The following ABLIM1 variants were observed in gnomAD, a reference collection of about 807,000 sequenced individuals.
ABLIM1 encodes the protein actin-binding LIM protein 1.
In ABLIM1, 40 loss-of-function variants were observed where a neutral mutation model predicts 107.0. The ratio of observed to expected loss-of-function variants is 0.37; its 90% CI spans 0.29 to 0.49. ABLIM1 has a LOEUF of 0.49. Among genes scored for constraint, ABLIM1 ranks in the 20% least tolerant of loss-of-function variants. The pLI, the probability that ABLIM1 is intolerant of heterozygous loss-of-function variation, is 0.97. For missense variants in ABLIM1, 857 were observed against 1,008.5 expected (o/e 0.85, Z 2.04); for synonymous variants, 357 against 357.3 (o/e 1.00, Z 0.01).
intron 6 of ABLIM1, among the ~76,000 whole-genome samples, chr10:114,498,298 A>G (rs915883168): frequency 2.0e-5 from 3 of 152,246 alleles, no homozygotes; most frequent in African/African-American, 7.2e-5. Flanking sequence ...CTCACATAGT[A>G]GTGCTAACAG....
the ABLIM1 span, among the ~76,000 whole-genome samples, chr10:114,783,157 C>T: frequency 6.6e-6 from 1 of 151,976 alleles, no homozygotes; most frequent in Non-Finnish European, 1.5e-5. Context: ...TGGTGGGTGC[C>T]TGTAATCCCA....
intron 8 of ABLIM1, among the ~76,000 whole-genome samples, chr10:114,474,384 CT>C (rs71007472): frequency 1.2e-3 from 157 of 135,862 alleles, no homozygotes; most frequent in Admixed American, 1.9e-3. Context: ...ATAGAGAGAC[CT>C]TTTTTTTTTT....
intron 2 of ABLIM1, among the ~76,000 whole-genome samples, chr10:114,582,772 T>C (rs2073547977): frequency 6.6e-6 from 1 of 152,204 alleles, no homozygotes; most frequent in South Asian, 2.1e-4. Flanking sequence ...AAGGACTCTC[T>C]ATTCAATAAA....
intron 1 of ABLIM1, among the ~76,000 whole-genome samples, chr10:114,673,260 A>G (rs2080333273): frequency 6.6e-6 from 1 of 151,438 alleles, no homozygotes; most frequent in South Asian, 2.1e-4. Flanking sequence ...TCCAGCTAAA[A>G]AAAAAAAAAA....
At position 114,525,695 on chromosome 10, in the gene ABLIM1, A is replaced by G. The variant is rs114198424; in HGVS notation, c.894+19310T>C. 4.0e-3 allele frequency among the ~76,000 whole-genome samples: 603 copies of G among 152,364 alleles called. 5 individuals are homozygous for G. Among genetic ancestry groups the G allele is most frequent in the African/African-American group, 0.014 (584 of 41,588 alleles). On this transcript the variant is annotated intron_variant, in intron 6 of 22. Transcript: ENST00000533213. Reference sequence around the variant, plus strand: ...GTTTTGGTAATCTAAATAACTTCACATCCTCTTAACATTCCTTATGAGGCT... The same window carrying G: ...GTTTTGGTAATCTAAATAACTTCACGTCCTCTTAACATTCCTTATGAGGCT...
Position 114,753,060 on chromosome 10 carries a change from T to A in ABLIM1, c.-213+15001A>T, listed in dbSNP as rs113236104. ...TCGCTGTCCATCATTCTGGAAAAAA[T>A]TAATCCTGTAACAGGCAATGAGGTT... On this transcript the variant is annotated intron_variant, in intron 1 of 15. Coordinates refer to the ABLIM1 transcript ENST00000651092. Among the ~76,000 whole-genome samples the A allele has an allele frequency of 7.9e-3, 1,208 of 152,276 alleles. 16 individuals are homozygous for A. The highest frequency in any genetic ancestry group is 0.027 in the African/African-American group (1,123 of 41,550).
chr10:114,607,751 T>C (rs1477382797), intron 1 of ABLIM1, among the ~76,000 whole-genome samples: 2 of 152,114 alleles, frequency 1.3e-5, no homozygotes, highest in East Asian at 1.9e-4. Context: ...CTCTTCAAAA[T>C]TGTAAAGATC....
chr10:114,650,271 G>T (rs1260758365), intron 1 of ABLIM1, among the ~76,000 whole-genome samples: 1 of 152,178 alleles, frequency 6.6e-6, no homozygotes, highest in Non-Finnish European at 1.5e-5. Context: ...TCAGCACTGG[G>T]TCATGCCCCA....
the ABLIM1 span, among the ~76,000 whole-genome samples, chr10:114,798,562 C>CA: frequency 0.052 from 7,640 of 147,522 alleles, 806 homozygotes; most frequent in African/African-American, 0.18. Context: ...TGAGACCCCC[C>CA]CCCCATGTCT....
chr10:114,510,547 T>C (rs759935329), intron 6 of ABLIM1, among the ~76,000 whole-genome samples: 6 of 152,044 alleles, frequency 3.9e-5, no homozygotes, highest in Non-Finnish European at 7.4e-5. Context: ...GTTGAACACA[T>C]ATTAGGTATT....
chr10:114,650,906 G>A (rs1388693216), intron 1 of ABLIM1, among the ~76,000 whole-genome samples: 1 of 152,104 alleles, frequency 6.6e-6, no homozygotes, highest in Non-Finnish European at 1.5e-5. Context: ...TCTAAAATAC[G>A]TATTTTCTCT....
At chr10:114,542,016 C>G (rs1367269459) in intron 6 of ABLIM1, among the ~76,000 whole-genome samples, 1 of 151,694 alleles carries the variant, frequency 6.6e-6, no homozygotes, top group Non-Finnish European at 1.5e-5. Context: ...AAGAAGACTG[C>G]AAACACGGCT....
At chr10:114,713,123 G>A (rs946803383) in intron 1 of ABLIM1, among the ~76,000 whole-genome samples, 7 of 152,290 alleles carry the variant, frequency 4.6e-5, no homozygotes, top group Admixed American at 2.6e-4. Context: ...ATGTTGATAC[G>A]TGGTTCATGA....
chr10:114,705,922 G>C (rs1016263428), intron 1 of ABLIM1, among the ~76,000 whole-genome samples: 1 of 152,150 alleles, frequency 6.6e-6, no homozygotes, highest in African/African-American at 2.4e-5. Flanking sequence ...ATTTCACCAG[G>C]TGAATTCCCA....
At chr10:114,649,983 G>A (rs1475507229) in intron 1 of ABLIM1, among the ~76,000 whole-genome samples, 3 of 151,994 alleles carry the variant, frequency 2.0e-5, no homozygotes, top group Non-Finnish European at 4.4e-5. Flanking sequence ...AGCCTCCTGA[G>A]TAGCTGGGAC....
the ABLIM1 span, among the ~76,000 whole-genome samples, chr10:114,784,791 A>G: frequency 2.0e-5 from 3 of 152,026 alleles, no homozygotes; most frequent in Non-Finnish European, 4.4e-5. Flanking sequence ...TGCACTGAAT[A>G]AGTGGAGAGG....
At chr10:114,575,094 A>G (rs1443670965) in intron 3 of ABLIM1, among the ~76,000 whole-genome samples, 1 of 152,208 alleles carries the variant, frequency 6.6e-6, no homozygotes, top group Non-Finnish European at 1.5e-5. Flanking sequence ...ATACTTCCAA[A>G]TAAGCTTTAT....
At chr10:114,463,142 C>T (rs1274607858) in intron 12 of ABLIM1, 1 of 1,310,624 alleles carries the variant, frequency 7.6e-7, no homozygotes, top group Admixed American at 2.3e-5. Context: ...ACGACAACCT[C>T]TGCACACCAG....
At chr10:114,740,110 A>G (rs1490104996) in intron 1 of ABLIM1, among the ~76,000 whole-genome samples, 1 of 152,210 alleles carries the variant, frequency 6.6e-6, no homozygotes, top group Non-Finnish European at 1.5e-5. Context: ...GAAGTATCTA[A>G]GAGTGTGTCT....
Sources: gnomAD v4.1 joint callset for allele counts (sites outside exome capture counted in the v4.1 genomes callset) on GRCh38, gnomAD v4.1.1 for gene constraint, MANE v1.5 for transcripts, NCBI Gene and HGNC (gene_info 2026-07-23, HGNC 2026-07-21) for gene names.